The following MGAT4C variants were observed in gnomAD, a reference collection of about 807,000 sequenced individuals.
MGAT4C encodes alpha-1,3-mannosyl-glycoprotein 4-beta-N-acetylglucosaminyltransferase C.
A neutral mutation model predicts 40.1 loss-of-function variants in MGAT4C; 19 were observed. That is an observed-to-expected ratio of 0.47 (90% CI 0.33 to 0.70). MGAT4C has a LOEUF of 0.70. Among genes scored for constraint, MGAT4C ranks in the 30% least tolerant of loss-of-function variants. The probability of loss-of-function intolerance (pLI) is 0.02; values close to 1 mark genes in which losing one functional copy is unlikely to be tolerated. For missense variants in MGAT4C, 491 were observed against 563.2 expected (o/e 0.87, Z 1.30); for synonymous variants, 181 against 187.1 (o/e 0.97, Z 0.27).
At chr12:86,682,924 A>C (rs1219850568) in intron 2 of MGAT4C, among the ~76,000 whole-genome samples, 1 of 152,184 alleles carries the variant, frequency 6.6e-6, no homozygotes, top group African/African-American at 2.4e-5. Flanking sequence ...CATTGTTTTT[A>C]TCTATTTCCC....
chr12:86,446,451 T>C (rs1440364866), intron 2 of MGAT4C, among the ~76,000 whole-genome samples: 1 of 151,544 alleles, frequency 6.6e-6, no homozygotes, highest in South Asian at 2.1e-4. Context: ...GGCTCTGACT[T>C]AGAGAAAGCA....
At chr12:86,073,060 C>T (rs1868890268) in intron 1 of MGAT4C, among the ~76,000 whole-genome samples, 1 of 152,108 alleles carries the variant, frequency 6.6e-6, no homozygotes, top group Non-Finnish European at 1.5e-5. Flanking sequence ...CCCGTAATTC[C>T]CACATGTTAT....
At chr12:86,267,962 G>C (rs1592620648) in intron 4 of MGAT4C, among the ~76,000 whole-genome samples, 1 of 152,196 alleles carries the variant, frequency 6.6e-6, no homozygotes, top group Non-Finnish European at 1.5e-5. Context: ...ACAGAAATAG[G>C]TTTTGGTGGC....
intron 1 of MGAT4C, among the ~76,000 whole-genome samples, chr12:86,122,530 TTAATC>T (rs1300642007): frequency 6.6e-6 from 1 of 152,134 alleles, no homozygotes; most frequent in Non-Finnish European, 1.5e-5. Context: ...AAATAGGTAA[TTAATC>T]TATAACATCT....
At chr12:86,695,933 C>T (rs767755082) in intron 2 of MGAT4C, among the ~76,000 whole-genome samples, 30 of 151,980 alleles carry the variant, frequency 2.0e-4, no homozygotes, top group African/African-American at 4.1e-4. Context: ...GAATATAGGC[C>T]GGGCGTGGTG....
rs1007507039 is a variant in MGAT4C, at chr12:86,455,622, C to T, written c.-228-20357G>A. Reference sequence around the variant, plus strand: ...GATAAGCAAAAACACAGAAGTCCCACATTTACATCTTAATGGACTCTCTTA... The same window carrying T: ...GATAAGCAAAAACACAGAAGTCCCATATTTACATCTTAATGGACTCTCTTA... On this transcript the variant is annotated intron_variant, in intron 2 of 7. Coordinates refer to the MGAT4C transcript ENST00000548651. Among the ~76,000 whole-genome samples, 7 of 152,216 alleles carry T rather than the reference C, an allele frequency of 4.6e-5. No homozygotes were observed. The East Asian group carries it at 1.3e-3, about 29-fold the overall frequency.
chr12:86,728,146 GAA>G, intron 1 of MGAT4C, among the ~76,000 whole-genome samples: 2 of 152,248 alleles, frequency 1.3e-5, no homozygotes, highest in Middle Eastern at 6.8e-3. Flanking sequence ...CAATAAATGA[GAA>G]AAGTTTTTTA....
At chr12:86,133,974 C>G (rs1233767832) in intron 1 of MGAT4C, among the ~76,000 whole-genome samples, 1 of 151,926 alleles carries the variant, frequency 6.6e-6, no homozygotes, top group Non-Finnish European at 1.5e-5. Context: ...TTTTACGTCA[C>G]TATAACAATA....
At chr12:86,241,958 G>A (rs1951807299) in intron 1 of MGAT4C, among the ~76,000 whole-genome samples, 1 of 151,970 alleles carries the variant, frequency 6.6e-6, no homozygotes, top group South Asian at 2.1e-4. Flanking sequence ...GGGGAGGGGG[G>A]GAAATTGAGA....
At chr12:86,439,367 C>T (rs1957189511) in intron 2 of MGAT4C, among the ~76,000 whole-genome samples, 1 of 151,978 alleles carries the variant, frequency 6.6e-6, no homozygotes, top group African/African-American at 2.4e-5. Context: ...CAACCTACTT[C>T]TGAACTATGC....
chr12:86,760,941 T>C (rs1166385427), intron 1 of MGAT4C, among the ~76,000 whole-genome samples: 1 of 152,206 alleles, frequency 6.6e-6, no homozygotes, highest in African/African-American at 2.4e-5. Flanking sequence ...TGGCAAGATT[T>C]GTAGGAAGAG....
intron 2 of MGAT4C, 148 bp from the exon 3 acceptor site, chr12:85,989,700 C>CACAGATCATTAATTA: frequency 1.5e-6 from 1 of 662,534 alleles, no homozygotes; most frequent in Non-Finnish European, 2.4e-6. Context: ...ATAAGGTTGG[C>CACAGATCATTAATTA]ACAGATCATT....
chr12:85,980,972 C>CT (rs912719302), intron 4 of MGAT4C, among the ~76,000 whole-genome samples: 13 of 151,782 alleles, frequency 8.6e-5, no homozygotes, highest in South Asian at 4.2e-4. Context: ...TTTCAGTTTT[C>CT]TTTTTTTTGC....
rs115261436 is a variant in MGAT4C, at chr12:86,544,343, T to A, written c.-228-109078A>T. On this transcript the variant is annotated intron_variant, in intron 2 of 7. Coordinates refer to the MGAT4C transcript ENST00000548651. The stretch of plus-strand genomic sequence containing the variant: ...TACAATTGCTCAGAAATATGTTTAA[T>A]CAATTCAATTATATTTTAATACTAA... Among the ~76,000 whole-genome samples the A allele has an allele frequency of 4.6e-5, 7 of 152,320 alleles. No individual in the cohort carries two copies. The South Asian group carries it at 1.2e-3, about 27-fold the overall frequency.
At chr12:86,574,805 T>C (rs570554127) in intron 2 of MGAT4C, among the ~76,000 whole-genome samples, 5 of 151,914 alleles carry the variant, frequency 3.3e-5, no homozygotes, top group Non-Finnish European at 7.4e-5. Flanking sequence ...TTAACCTATT[T>C]ATATTGGTGA....
intron 2 of MGAT4C, among the ~76,000 whole-genome samples, chr12:86,537,580 G>C (rs970128831): frequency 6.6e-6 from 1 of 152,054 alleles, no homozygotes; most frequent in East Asian, 1.9e-4. Flanking sequence ...TGCCCTGTGC[G>C]GTCAGGAGTC....
At chr12:86,758,247 G>A (rs1014896599) in intron 1 of MGAT4C, among the ~76,000 whole-genome samples, 2 of 151,820 alleles carry the variant, frequency 1.3e-5, no homozygotes, top group Admixed American at 6.6e-5. Context: ...ACCACTAAAG[G>A]TTTTACTAGA....
chr12:86,412,382 C>T (rs1441177688), intron 3 of MGAT4C, among the ~76,000 whole-genome samples: 2 of 152,156 alleles, frequency 1.3e-5, no homozygotes, highest in African/African-American at 4.8e-5. Context: ...CAGAGATGCC[C>T]AAAGTTTTGG....
chr12:86,752,586 A>G (rs1951243484), intron 1 of MGAT4C, among the ~76,000 whole-genome samples: 1 of 152,208 alleles, frequency 6.6e-6, no homozygotes, highest in Admixed American at 6.6e-5. Context: ...TCATTTAGTG[A>G]ATATCAATAT....
Sources: gnomAD v4.1 joint callset for allele counts (sites outside exome capture counted in the v4.1 genomes callset) on GRCh38, gnomAD v4.1.1 for gene constraint, MANE v1.5 for transcripts, NCBI Gene and HGNC (gene_info 2026-07-23, HGNC 2026-07-21) for gene names.